The following CFAP299 variants were observed in gnomAD, a reference collection of about 807,000 sequenced individuals.
CFAP299 encodes the protein cilia and flagella associated protein 299.
A neutral mutation model predicts 27.0 loss-of-function variants in CFAP299; 21 were observed. That is an observed-to-expected ratio of 0.78 (90% CI 0.55 to 1.12). CFAP299 has a LOEUF of 1.12. Ranked by LOEUF, CFAP299 falls within the 50% of genes most tolerant of loss-of-function variation. The pLI is 0.00. For synonymous variants in CFAP299, 104 were observed against 98.1 expected (o/e 1.06, Z -0.36); for missense variants, 310 against 276.6 (o/e 1.12, Z -0.86).
In CFAP299 at chr4:80,769,601, C is replaced by A. The variant is rs181086707; in HGVS notation, c.334-100392C>A. On this transcript the variant is annotated intron_variant, in intron 3 of 5. Transcript: ENST00000358105. ...TAGAAATGAGGTCTCACTATGTTGCCTAGGCTGGTATGGAACCTCTGCACA... is the reference window on the plus strand; with the variant it reads ...TAGAAATGAGGTCTCACTATGTTGCATAGGCTGGTATGGAACCTCTGCACA... Among the ~76,000 whole-genome samples, 468 of 152,216 alleles carry A rather than the reference C, an allele frequency of 3.1e-3. 1 individual carries two copies. The highest frequency in any genetic ancestry group is 0.01 in the Middle Eastern group (3 of 294).
intron 3 of CFAP299, among the ~76,000 whole-genome samples, chr4:80,832,763 T>C (rs1450143448): frequency 1.3e-5 from 2 of 152,152 alleles, no homozygotes; most frequent in East Asian, 3.8e-4. Context: ...TAAGTTGTGA[T>C]CATGGAATCA....
intron 2 of CFAP299, among the ~76,000 whole-genome samples, chr4:80,372,417 G>A (rs1724191295): frequency 6.6e-6 from 1 of 152,220 alleles, no homozygotes; most frequent in Non-Finnish European, 1.5e-5. Flanking sequence ...TGGATTTGAT[G>A]CTTGTGTAGC....
At chr4:80,586,746 A>G (rs1321829346) in intron 3 of CFAP299, among the ~76,000 whole-genome samples, 1 of 152,182 alleles carries the variant, frequency 6.6e-6, no homozygotes, top group Non-Finnish European at 1.5e-5. Context: ...AAAAAATAAA[A>G]CATTTCCTTT....
At chr4:80,435,698 G>C (rs1232246711) in intron 2 of CFAP299, among the ~76,000 whole-genome samples, 2 of 152,130 alleles carry the variant, frequency 1.3e-5, no homozygotes, top group Non-Finnish European at 2.9e-5. Flanking sequence ...ACTTCCAGAT[G>C]GGCCTTACCA....
intron 3 of CFAP299, among the ~76,000 whole-genome samples, chr4:80,674,707 GT>G (rs942134953): frequency 2.6e-5 from 4 of 151,992 alleles, no homozygotes; most frequent in Non-Finnish European, 5.9e-5. Flanking sequence ...ATTTCTTGGA[GT>G]TTTTTTCATT....
chr4:80,763,304 C>A (rs1027046719), intron 3 of CFAP299, among the ~76,000 whole-genome samples: 3 of 152,102 alleles, frequency 2.0e-5, no homozygotes, highest in Non-Finnish European at 4.4e-5. Flanking sequence ...TTCCTATACA[C>A]CAATAATAGA....
At chr4:80,338,878 C>A (rs931163462) in intron 1 of CFAP299, among the ~76,000 whole-genome samples, 7 of 152,200 alleles carry the variant, frequency 4.6e-5, no homozygotes, top group South Asian at 2.1e-4. Context: ...AGTTAATCTG[C>A]ATAAAAAGTT....
At position 80,963,507 on chromosome 4, in the gene CFAP299, T is replaced by C. The variant is rs763201772; in HGVS notation, c.607-10T>C. On this transcript the variant is annotated splice_polypyrimidine_tract_variant and intron_variant, in intron 5 of 5. Coordinates refer to ENST00000358105, the MANE Select transcript of CFAP299 (RefSeq NM_152770.3). ...TAGACTTGACTAACAATGTAATTTA[T>C]GTATTTTAGGCGCAGCCAGGTGACA... is the stretch of plus-strand genomic sequence containing the variant. 2 of 1,546,340 alleles carry C rather than the reference T, an allele frequency of 1.3e-6. No individual in the cohort carries two copies. Among genetic ancestry groups the C allele is most frequent in the African/African-American group, 2.8e-5 (2 of 72,466 alleles).
chr4:80,741,216 G>C lies in CFAP299; in HGVS notation c.334-128777G>C, dbSNP rs201400277. 4.6e-5 allele frequency among the ~76,000 whole-genome samples: 7 copies of C among 152,144 alleles called. No individual in the cohort carries two copies. The East Asian group carries it at 1.4e-3, about 29-fold the overall frequency. On this transcript the variant is annotated intron_variant, in intron 3 of 5. Transcript: ENST00000358105. ...CAGCATTCCCTGGGTAATCACTGTT[G>C]GTTATTCAGGGACAAGTGTTTTGTT...
chr4:80,489,110 T>C (rs578179120), intron 2 of CFAP299, among the ~76,000 whole-genome samples: 10 of 150,834 alleles, frequency 6.6e-5, no homozygotes, highest in Admixed American at 6.6e-4. Flanking sequence ...GTGTCCTCTC[T>C]GAATTTTTTT....
chr4:80,856,323 G>A (rs1731882389), intron 3 of CFAP299, among the ~76,000 whole-genome samples: 2 of 146,338 alleles, frequency 1.4e-5, no homozygotes, highest in African/African-American at 2.6e-5. Context: ...AGATGAGTAG[G>A]TTGCGAAAAT....
In CFAP299 at chr4:80,606,766, T is replaced by C. The variant is rs541684466; in HGVS notation, c.333+23583T>C. 2.2e-4 allele frequency among the ~76,000 whole-genome samples: 33 copies of C among 152,312 alleles called. 1 individual carries two copies. The South Asian group carries it at 6.6e-3, about 31-fold the overall frequency. On this transcript the variant is annotated intron_variant, in intron 3 of 5. Transcript: ENST00000358105. ...TGCTTCAGTCTTTTTAAAGGTTGAATAATATTTCATTGTATGGGTATGCCA... is the reference window on the plus strand; with the variant it reads ...TGCTTCAGTCTTTTTAAAGGTTGAACAATATTTCATTGTATGGGTATGCCA...
At chr4:80,345,247 T>A (rs1722665282) in intron 1 of CFAP299, among the ~76,000 whole-genome samples, 1 of 152,116 alleles carries the variant, frequency 6.6e-6, no homozygotes, top group South Asian at 2.1e-4. Flanking sequence ...AATCCCATTG[T>A]CCCAGCCCAA....
At chr4:80,581,464 A>ATATATATATATATATATATATATG (rs1170283840) in intron 2 of CFAP299, among the ~76,000 whole-genome samples, 2 of 133,378 alleles carry the variant, frequency 1.5e-5, no homozygotes, top group African/African-American at 6.0e-5. Flanking sequence ...ATATATATAT[A>ATATATATATATATATATATATATG]TATATATATA....
chr4:80,578,245 A>C (rs1184858610), intron 2 of CFAP299, among the ~76,000 whole-genome samples: 1 of 152,200 alleles, frequency 6.6e-6, no homozygotes, highest in Non-Finnish European at 1.5e-5. Context: ...TTCTTAGGTC[A>C]CTGACTGTTA....
chr4:80,799,940 T>A (rs1408832823), intron 3 of CFAP299, among the ~76,000 whole-genome samples: 13 of 46,456 alleles, frequency 2.8e-4, no homozygotes, highest in African/African-American at 1.2e-3. Context: ...ATATATTATA[T>A]TATATAAATA....
intron 2 of CFAP299, among the ~76,000 whole-genome samples, chr4:80,503,841 T>C (rs1731860119): frequency 6.6e-6 from 1 of 152,144 alleles, no homozygotes; most frequent in Admixed American, 6.6e-5. Flanking sequence ...GCCAAAACAT[T>C]AATGTTCAGT....
chr4:80,466,939 C>T (rs1289733236), intron 2 of CFAP299, among the ~76,000 whole-genome samples: 1 of 152,196 alleles, frequency 6.6e-6, no homozygotes, highest in Non-Finnish European at 1.5e-5. Flanking sequence ...AAGGTAATCT[C>T]ATGCCTCTCT....
At chr4:80,796,963 C>G (rs1236682537) in intron 3 of CFAP299, among the ~76,000 whole-genome samples, 2 of 152,116 alleles carry the variant, frequency 1.3e-5, no homozygotes, top group Non-Finnish European at 2.9e-5. Context: ...GAAATGACCA[C>G]AGAATGAGTC....
Sources: gnomAD v4.1 joint callset for allele counts (sites outside exome capture counted in the v4.1 genomes callset) on GRCh38, gnomAD v4.1.1 for gene constraint, MANE v1.5 for transcripts, NCBI Gene and HGNC (gene_info 2026-07-23, HGNC 2026-07-21) for gene names.